Variants in DAPK1 observed in about 807,000 individuals in gnomAD.
The protein encoded by DAPK1 is death associated protein kinase 1, also known as death-associated protein kinase 1.
DAPK1 carries 56 observed loss-of-function variants against 144.9 expected under a neutral mutation model. The observed-to-expected ratio is 0.39, with a 90% CI of 0.31 to 0.48. DAPK1 has a LOEUF of 0.48. DAPK1 is among the 20% of genes least tolerant of loss of function. The pLI is 0.95. For missense variants in DAPK1, 1,454 were observed against 1,875.4 expected, an observed-to-expected ratio of 0.78 and a Z score of 4.15; for synonymous variants, 690 against 749.0, an observed-to-expected ratio of 0.92 and a Z score of 1.29.
chr9:87,560,104 C>T (rs1279289926), intron 2 of DAPK1, among the ~76,000 whole-genome samples: 1 of 151,792 alleles, frequency 6.6e-6, no homozygotes, highest in Non-Finnish European at 1.5e-5. Context: ...TATTCTCCTG[C>T]CTCAGCCTCC....
intron 2 of DAPK1, among the ~76,000 whole-genome samples, chr9:87,540,607 A>G (rs946548469): frequency 1.1e-4 from 17 of 152,340 alleles, no homozygotes; most frequent in Middle Eastern, 3.4e-3. Flanking sequence ...TGACGCATCC[A>G]CTAGGGGTTT....
intron 2 of DAPK1, among the ~76,000 whole-genome samples, chr9:87,558,012 G>A (rs1826781147): frequency 6.6e-6 from 1 of 152,164 alleles, no homozygotes; most frequent in Non-Finnish European, 1.5e-5. Flanking sequence ...AGTCAGTTTG[G>A]AATCTTTTGG....
At chr9:87,672,082 G>T (rs906326029) in intron 19 of DAPK1, among the ~76,000 whole-genome samples, 2 of 152,178 alleles carry the variant, frequency 1.3e-5, no homozygotes, top group Non-Finnish European at 2.9e-5. Context: ...CCGTGATAAG[G>T]GTTGGATGGG....
At chr9:87,498,909 T>A in intron 1 of DAPK1, 61 bp from the exon 2 acceptor site, 1 of 552,120 alleles carries the variant, frequency 1.8e-6, no homozygotes, top group South Asian at 2.6e-5. Flanking sequence ...GCCGGGGAGG[T>A]CTACTTCCTT....
At chr9:87,628,434 C>T (rs1472898532) in intron 3 of DAPK1, among the ~76,000 whole-genome samples, 1 of 152,166 alleles carries the variant, frequency 6.6e-6, no homozygotes, top group Non-Finnish European at 1.5e-5. Context: ...AAATTCACTC[C>T]GGTTCGACAA....
chr9:87,574,578 A>G (rs1827473861), intron 2 of DAPK1, among the ~76,000 whole-genome samples: 2 of 152,320 alleles, frequency 1.3e-5, no homozygotes, highest in Middle Eastern at 6.8e-3. Context: ...TACAGCTGGC[A>G]TGGAGTGCAA....
chr9:87,603,272 A>G (rs1174898089), intron 2 of DAPK1, among the ~76,000 whole-genome samples: 1 of 152,152 alleles, frequency 6.6e-6, no homozygotes, highest in African/African-American at 2.4e-5. Context: ...CCGCCCCACA[A>G]TAGAGGGAAG....
intron 3 of DAPK1, among the ~76,000 whole-genome samples, chr9:87,631,878 T>C (rs1829700811): frequency 6.6e-6 from 1 of 152,236 alleles, no homozygotes; most frequent in Non-Finnish European, 1.5e-5. Context: ...TGAAATCATT[T>C]AGTTTCAATT....
chr9:87,698,717 C>T lies in DAPK1; in HGVS notation c.2673C>T (p.Ile891=). ...TCCTGGTGGCCACCCACGCTGACATCATGAATGTTCCTCGACCGGCTGGAG... is the reference window on the plus strand; with the variant it reads ...TCCTGGTGGCCACCCACGCTGACATTATGAATGTTCCTCGACCGGCTGGAG... ...QVVLVATHAD[I]MNVPRPAGGE... Residue 891 remains isoleucine (I), a synonymous_variant, in exon 23 of 26, where the codon ATC becomes ATT. Coordinates refer to ENST00000408954, the MANE Select transcript of DAPK1 (RefSeq NM_004938.4). 6.3e-7 allele frequency: 1 copy of T among 1,596,936 alleles called. No individual in the cohort carries two copies. The highest frequency in any genetic ancestry group is 8.6e-7 in the Non-Finnish European group (1 of 1,164,284).
At chr9:87,688,217 T>G (rs1824934175) in intron 21 of DAPK1, among the ~76,000 whole-genome samples, 1 of 152,156 alleles carries the variant, frequency 6.6e-6, no homozygotes, top group African/African-American at 2.4e-5. Flanking sequence ...CTGTGTTAAT[T>G]CACTTAGGAT....
At chr9:87,600,713 T>C (rs1461949768) in intron 2 of DAPK1, among the ~76,000 whole-genome samples, 1 of 152,244 alleles carries the variant, frequency 6.6e-6, no homozygotes, top group Non-Finnish European at 1.5e-5. Context: ...GAATTTCTCT[T>C]TTCCAGTAAA....
intron 3 of DAPK1, among the ~76,000 whole-genome samples, chr9:87,615,240 A>G (rs1036481433): frequency 1.3e-5 from 2 of 152,206 alleles, no homozygotes; most frequent in African/African-American, 4.8e-5. Flanking sequence ...ACCTTCTTCT[A>G]TTTAACAACT....
chr9:87,639,207 A>C (rs1318228442), intron 4 of DAPK1, 147 bp from the exon 5 acceptor site: 4 of 700,460 alleles, frequency 5.7e-6, no homozygotes, highest in Non-Finnish European at 9.1e-6. Context: ...AGAGCAAGAC[A>C]TGTATTTTCC....
At chr9:87,499,454 A>T in intron 2 of DAPK1, 1 of 409,432 alleles carries the variant, frequency 2.4e-6, no homozygotes, top group East Asian at 3.4e-5. Context: ...CAGGACAAAC[A>T]CTAAGATTAT....
chr9:87,695,751 A>C (rs562510541), intron 21 of DAPK1, among the ~76,000 whole-genome samples: 1 of 152,316 alleles, frequency 6.6e-6, no homozygotes, highest in Admixed American at 6.5e-5. Flanking sequence ...TCACCTGGCC[A>C]AGTCAGTCCC....
At chr9:87,519,683 A>G (rs1161753062) in intron 2 of DAPK1, among the ~76,000 whole-genome samples, 2 of 152,172 alleles carry the variant, frequency 1.3e-5, no homozygotes, top group Non-Finnish European at 2.9e-5. Flanking sequence ...AGGAGCACCC[A>G]GCATCCTCCA....
At chr9:87,524,965 C>G (rs1825435741) in intron 2 of DAPK1, among the ~76,000 whole-genome samples, 1 of 152,082 alleles carries the variant, frequency 6.6e-6, no homozygotes, top group African/African-American at 2.4e-5. Context: ...GATGGATGCA[C>G]CAAAATTTCA....
intron 19 of DAPK1, among the ~76,000 whole-genome samples, chr9:87,680,432 A>C (rs1197984320): frequency 6.6e-6 from 1 of 152,148 alleles, no homozygotes; most frequent in African/African-American, 2.4e-5. Flanking sequence ...TAGGCTTCTT[A>C]GGTTGTCATG....
At chr9:87,625,553 C>T (rs1022119391) in intron 3 of DAPK1, among the ~76,000 whole-genome samples, 8 of 152,196 alleles carry the variant, frequency 5.3e-5, no homozygotes, top group South Asian at 4.1e-4. Flanking sequence ...ACGCTGCCCT[C>T]GAGTAGCTCC....
Sources: gnomAD v4.1 joint callset for allele counts (sites outside exome capture counted in the v4.1 genomes callset) on GRCh38, gnomAD v4.1.1 for gene constraint, MANE v1.5 for transcripts, NCBI Gene and HGNC (gene_info 2026-07-23, HGNC 2026-07-21) for gene names.